Variants in CFAP65 observed in about 807,000 individuals in gnomAD.
CFAP65 encodes cilia and flagella associated protein 65, also known as cilia- and flagella-associated protein 65.
In CFAP65, 155 loss-of-function variants were observed where a neutral mutation model predicts 208.0. That is an observed-to-expected ratio of 0.75 (90% CI 0.65 to 0.85). The LOEUF (loss-of-function observed/expected upper bound fraction) is 0.85. Among genes scored for constraint, CFAP65 ranks in the 40% least tolerant of loss-of-function variants. The pLI is 0.00. For synonymous variants in CFAP65, 970 were observed against 986.3 expected (o/e 0.98, Z 0.31); for missense variants, 2,294 against 2,451.3 (o/e 0.94, Z 1.36).
At chr2:219,018,943 G>T in intron 21 of CFAP65, 108 bp downstream of exon 21, 1 of 1,478,410 alleles carries the variant, frequency 6.8e-7, no homozygotes, top group Non-Finnish European at 9.3e-7. Flanking sequence ...ACTCTTCACA[G>T]ACAGCAAGCA....
chr2:219,036,394 T>A (rs1339096982), intron 4 of CFAP65, among the ~76,000 whole-genome samples: 1 of 150,734 alleles, frequency 6.6e-6, no homozygotes, highest in Non-Finnish European at 1.5e-5. Context: ...ACTGGATGCC[T>A]CCTCCAACCA....
chr2:219,005,368 G>A (rs1945890901), intron 32 of CFAP65, 66 bp downstream of exon 32: 2 of 1,594,672 alleles, frequency 1.3e-6, no homozygotes, highest in Admixed American at 1.7e-5. Context: ...GAATGTAAGG[G>A]GCTCTGGCTG....
intron 19 of CFAP65, among the ~76,000 whole-genome samples, chr2:219,020,407 T>C (rs1229286730): frequency 6.6e-6 from 1 of 152,192 alleles, no homozygotes; most frequent in Non-Finnish European, 1.5e-5. Flanking sequence ...AGATAGGGTC[T>C]CACTGTGTTG....
chr2:219,034,419 A>C (rs1948229469), intron 5 of CFAP65: 1 of 152,228 alleles, frequency 6.6e-6, no homozygotes, highest in African/African-American at 2.4e-5. Flanking sequence ...GCAAAAATAT[A>C]AAGTCTTTAG....
In CFAP65 at chr2:219,004,959, C is replaced by CTTTCTT. The variant is rs1277321307; in HGVS notation, c.5051+474_5051+475insAAGAAA. ...TTTTTCTTTCTTTCTTTCTTTCTTT[C>CTTTCTT]TCTCTCTTTCTTTCTTTCTCTCTTT... On this transcript the variant is annotated intron_variant, in intron 32 of 34. Transcript: ENST00000341552. This position sits in a 1 kb window ranked among gnomAD's most constrained non-coding sequence, Gnocchi z 4.7. Among the ~76,000 whole-genome samples, 1 of 139,448 alleles carries CTTTCTT rather than the reference C, an allele frequency of 7.2e-6. No homozygotes were observed. Among genetic ancestry groups the CTTTCTT allele is most frequent in the African/African-American group, 3.0e-5 (1 of 33,042 alleles). 91.5% of individuals were successfully genotyped at this position (139,448 alleles called of 152,430 possible). A position where few individuals can be genotyped will look rare whatever the true frequency, so the allele number is the denominator to read the frequency against.
chr2:219,008,862 C>G (rs2106082483), intron 29 of CFAP65, among the ~76,000 whole-genome samples, 185 bp downstream of exon 29: 1 of 152,370 alleles, frequency 6.6e-6, no homozygotes, highest in South Asian at 2.1e-4. Flanking sequence ...CCAGCCTTCT[C>G]TACCCAGAGA....
Position 219,003,284 on chromosome 2 carries a change from C to G in CFAP65, c.5556-12G>C, listed in dbSNP as rs1176095309. 1 of 1,522,038 alleles carries G rather than the reference C, an allele frequency of 6.6e-7. No homozygotes were observed. Among genetic ancestry groups the G allele is most frequent in the African/African-American group, 1.4e-5 (1 of 72,194 alleles). The allele number at this position is 1,522,038 out of a possible 1,614,324, so 94.3% of individuals were successfully genotyped here. On this transcript the variant is annotated splice_polypyrimidine_tract_variant and intron_variant, in intron 33 of 34. Transcript: ENST00000341552. The surrounding 1 kb of genome is among the most constrained non-coding windows in gnomAD (Gnocchi z 4.4). ...CGAAGGCCGGGAGCCTGCGAGGGGG[C>G]GGGGGCTAGCATGAGGGCGGCCGCA...
chr2:219,025,856 C>T (rs1947593798), intron 14 of CFAP65, among the ~76,000 whole-genome samples, 166 bp downstream of exon 14: 1 of 152,192 alleles, frequency 6.6e-6, no homozygotes, highest in African/African-American at 2.4e-5. Context: ...AGCAAGTCCT[C>T]AGCCGGCCCA....
chr2:219,037,897 A>G (rs1216868269), intron 4 of CFAP65, among the ~76,000 whole-genome samples: 1 of 152,160 alleles, frequency 6.6e-6, no homozygotes, highest in Non-Finnish European at 1.5e-5. Flanking sequence ...CATAGAGAGA[A>G]CTACAAAGAG....
Position 219,006,241 on chromosome 2 carries a change from C to T in CFAP65, c.4720-18G>A, listed in dbSNP as rs74869853. Reference sequence around the variant, plus strand: ...GGCAGTGTCTTTGGGAAGGGAGGGACATGGATGACAAGGGTTTGGGCACCA... The same window carrying T: ...GGCAGTGTCTTTGGGAAGGGAGGGATATGGATGACAAGGGTTTGGGCACCA... On this transcript the variant is annotated intron_variant, in intron 30 of 34. Transcript: ENST00000341552. 7.9e-3 allele frequency: 12,585 copies of T among 1,598,296 alleles called. 300 individuals are homozygous for T. Among genetic ancestry groups the T allele is most frequent in the East Asian group, 0.062 (2,772 of 44,594 alleles).
intron 29 of CFAP65, among the ~76,000 whole-genome samples, chr2:219,007,758 C>A (rs193131890): frequency 3.9e-4 from 59 of 152,242 alleles, no homozygotes; most frequent in Admixed American, 2.3e-3. Flanking sequence ...CTCACTTAAT[C>A]CTCACAACGT....
intron 14 of CFAP65, among the ~76,000 whole-genome samples, 195 bp downstream of exon 14, chr2:219,025,827 C>T (rs922312045): frequency 6.6e-6 from 1 of 152,178 alleles, no homozygotes; most frequent in Non-Finnish European, 1.5e-5. Flanking sequence ...TCTCCCCAGT[C>T]CCAGTGTCGG....
In CFAP65 at chr2:219,009,349, T is replaced by G; in HGVS notation, c.4564A>C (p.Lys1522Gln). ...TTACCCCTGGGGCTGGTTCCTACCT[T>G]GCATACCAGGTCTGCACTGTAGAAG... ...ASFYSADLVC[K>Q]LYSQQLMRQY... Residue 1522 changes from lysine to glutamine, a missense_variant and splice_region_variant, in exon 28 of 35, where the codon AAG (lysine) becomes CAG (glutamine). This residue lies in a region of CFAP65 where 1,427 missense variants were observed against 1,438.7 expected (regional missense o/e 0.99). Coordinates refer to ENST00000341552, the MANE Select transcript of CFAP65 (RefSeq NM_194302.4). The G allele has an allele frequency of 6.2e-7, 1 of 1,610,484 alleles. No homozygotes were observed. The highest frequency in any genetic ancestry group is 8.5e-7 in the Non-Finnish European group (1 of 1,177,926).
rs1376055328 is a variant in CFAP65, at chr2:219,023,995, C to T, written c.2595+20G>A. 1.2e-6 allele frequency: 2 copies of T among 1,607,148 alleles called. No individual in the cohort carries two copies. Among genetic ancestry groups the T allele is most frequent in the East Asian group, 2.2e-5 (1 of 44,732 alleles). On this transcript the variant is annotated intron_variant, in intron 15 of 34. Coordinates refer to ENST00000341552, the MANE Select transcript of CFAP65 (RefSeq NM_194302.4). The stretch of plus-strand genomic sequence containing the variant: ...ATGGCCCATTCCCAAGGACCCAGGT[C>T]CCCTCCCTCTGCCTCCTACCTTGAG...
intron 22 of CFAP65, 47 bp downstream of exon 22, chr2:219,013,821 G>A (rs1408060610): frequency 4.0e-6 from 6 of 1,512,512 alleles, no homozygotes; most frequent in Non-Finnish European, 5.4e-6. Context: ...CCCGGGGTAG[G>A]GGCCTCTATG....
chr2:219,025,910 G>T (rs1022280319), intron 14 of CFAP65, 112 bp downstream of exon 14: 15 of 1,336,218 alleles, frequency 1.1e-5, no homozygotes, highest in South Asian at 5.3e-5. Context: ...AGCCAGGGAG[G>T]GTGCAAAGAT....
At chr2:219,041,373 G>T in intron 1 of CFAP65, 115 bp downstream of exon 1, 1 of 1,071,856 alleles carries the variant, frequency 9.3e-7, no homozygotes, top group Non-Finnish European at 1.4e-6. Flanking sequence ...GGCATGGAGG[G>T]GACCTCTGGC....
At chr2:219,005,328 G>A in intron 32 of CFAP65, 106 bp downstream of exon 32, 1 of 1,475,146 alleles carries the variant, frequency 6.8e-7, no homozygotes, top group Non-Finnish European at 9.4e-7. Context: ...GCCCCACCAA[G>A]TTCTATTTCT....
Position 219,014,054 on chromosome 2 carries a change from G to A in CFAP65, c.3603-10C>T, listed in dbSNP as rs765821744. 1 of 1,603,644 alleles carries A rather than the reference G, an allele frequency of 6.2e-7. No individual in the cohort carries two copies. Among genetic ancestry groups the A allele is most frequent in the Non-Finnish European group, 8.5e-7 (1 of 1,173,996 alleles). On this transcript the variant is annotated splice_polypyrimidine_tract_variant and intron_variant, in intron 21 of 34. Coordinates refer to ENST00000341552, the MANE Select transcript of CFAP65 (RefSeq NM_194302.4). ...TGGAAGGAGGAAGGCCCTGGGAGAG[G>A]GGTGCAAAGCCATACAAAGAAACTG...
Sources: gnomAD v4.1 joint callset for allele counts (sites outside exome capture counted in the v4.1 genomes callset) on GRCh38, gnomAD v4.1.1 for gene constraint, gnomAD v4.1.1 regional missense constraint, Gnocchi (gnomAD v3.1) non-coding constraint, MANE v1.5 for transcripts, NCBI Gene and HGNC (gene_info 2026-07-23, HGNC 2026-07-21) for gene names.